Variants in AFG1L observed in about 807,000 individuals in gnomAD.
AFG1L encodes AFG1-like ATPase.
A neutral mutation model predicts 62.2 loss-of-function variants in AFG1L; 53 were observed. That is an observed-to-expected ratio of 0.85 (90% confidence interval 0.68 to 1.07). AFG1L has a LOEUF of 1.07. Ranked by LOEUF, AFG1L falls within the 50% of genes least tolerant of loss-of-function variation. The probability of loss-of-function intolerance (pLI) is 0.00; values close to 1 mark genes in which losing one functional copy is unlikely to be tolerated. For synonymous variants in AFG1L, 228 were observed against 210.3 expected (o/e 1.08, Z -0.73); for missense variants, 555 against 590.5 (o/e 0.94, Z 0.62).
intron 10 of AFG1L, among the ~76,000 whole-genome samples, chr6:108,479,860 C>G (rs926707994): frequency 1.4e-4 from 21 of 152,148 alleles, no homozygotes; most frequent in African/African-American, 4.8e-4. Context: ...AAGCCCAAGA[C>G]TTGCCCAGTC....
rs1024569467 is a variant in AFG1L, at chr6:108,472,110, A to T, written c.891-4755A>T. On this transcript the variant is annotated intron_variant, in intron 8 of 12. Transcript: ENST00000368977. ...GATACAGACAGAAAGATACTACAAG[A>T]TCTCACTTGGATATGGGATCTTCTA... Among the ~76,000 whole-genome samples, 6 of 152,356 alleles carry T rather than the reference A, an allele frequency of 3.9e-5. No homozygotes were observed. In the South Asian group the frequency reaches 1.0e-3, roughly 26 times the overall value.
chr6:108,379,003 T>C (rs1031611145), intron 6 of AFG1L, among the ~76,000 whole-genome samples: 225 of 133,146 alleles, frequency 1.7e-3, no homozygotes, highest in Admixed American at 4.0e-3. Flanking sequence ...CCTTCTTCTT[T>C]TTTTTTTTTT....
rs184470345 is a variant in AFG1L, at chr6:108,316,155, G to A, written c.140-7670G>A. On this transcript the variant is annotated intron_variant, in intron 1 of 12. Coordinates refer to ENST00000368977, the MANE Select transcript of AFG1L (RefSeq NM_145315.5). ...CCAGCACTTTGCGAGGCCGAGGCGGGCGGATCACGAGGTCAGGAGATCGAG... is the reference window on the plus strand; with the variant it reads ...CCAGCACTTTGCGAGGCCGAGGCGGACGGATCACGAGGTCAGGAGATCGAG... 2.5e-3 allele frequency among the ~76,000 whole-genome samples: 381 copies of A among 151,892 alleles called. 2 individuals are homozygous for A. The highest frequency in any genetic ancestry group is 4.0e-3 in the Non-Finnish European group (273 of 67,956).
chr6:108,308,399 C>G (rs1777285869), intron 1 of AFG1L, among the ~76,000 whole-genome samples: 1 of 152,198 alleles, frequency 6.6e-6, no homozygotes, highest in African/African-American at 2.4e-5. Flanking sequence ...TATCCTCCCA[C>G]CTTGGCCCCT....
At chr6:108,346,712 T>C (rs927046572) in intron 2 of AFG1L, among the ~76,000 whole-genome samples, 1 of 152,184 alleles carries the variant, frequency 6.6e-6, no homozygotes, top group Non-Finnish European at 1.5e-5. Context: ...AAGTACCTCA[T>C]GTAAGTGGAA....
intron 6 of AFG1L, among the ~76,000 whole-genome samples, chr6:108,373,555 A>G (rs1780108087): frequency 6.6e-6 from 1 of 151,024 alleles, no homozygotes; most frequent in South Asian, 2.1e-4. Flanking sequence ...ACACCCAGTA[A>G]TGGGATTGCT....
At chr6:108,414,312 G>C (rs543705551) in intron 7 of AFG1L, among the ~76,000 whole-genome samples, 3 of 152,198 alleles carry the variant, frequency 2.0e-5, no homozygotes, top group Non-Finnish European at 4.4e-5. Flanking sequence ...TCCAGGACCA[G>C]ATGGATTCAC....
intron 2 of AFG1L, among the ~76,000 whole-genome samples, chr6:108,338,468 C>A (rs1778552655): frequency 6.6e-6 from 1 of 152,124 alleles, no homozygotes; most frequent in South Asian, 2.1e-4. Context: ...CTGAGAAATT[C>A]TGCAGTAAAC....
chr6:108,499,647 G>A (rs1255023133), intron 10 of AFG1L, among the ~76,000 whole-genome samples: 1 of 151,452 alleles, frequency 6.6e-6, no homozygotes, highest in Non-Finnish European at 1.5e-5. Context: ...AGCTACTCAG[G>A]AGCTAAGGTG....
At chr6:108,343,734 A>G (rs979523892) in intron 2 of AFG1L, among the ~76,000 whole-genome samples, 9 of 152,236 alleles carry the variant, frequency 5.9e-5, no homozygotes, top group Non-Finnish European at 1.0e-4. Context: ...AAACAAGAAA[A>G]ATTAAGAAGT....
intron 1 of AFG1L, among the ~76,000 whole-genome samples, chr6:108,319,191 C>G (rs761916550): frequency 1.4e-4 from 21 of 152,060 alleles, no homozygotes; most frequent in Admixed American, 1.2e-3. Context: ...TACGTTTTAC[C>G]CACAATACTG....
At chr6:108,485,962 C>G (rs1773557173) in intron 10 of AFG1L, among the ~76,000 whole-genome samples, 1 of 151,652 alleles carries the variant, frequency 6.6e-6, no homozygotes. Flanking sequence ...CATGAGCCAC[C>G]ATGCCCATGG....
At position 108,477,205 on chromosome 6, in the gene AFG1L, G is replaced by A; in HGVS notation, c.975G>A (p.Arg325=). The A allele has an allele frequency of 6.3e-7, 1 of 1,596,672 alleles. No individual in the cohort carries two copies. Among genetic ancestry groups the A allele is most frequent in the Non-Finnish European group, 8.5e-7 (1 of 1,170,308 alleles). The change falls in exon 10 of 13, where the codon AGG becomes AGA. Residue 325 remains arginine, a synonymous_variant. Transcript: ENST00000368977. ...AQKQNDLTRP[R]ILKVQGRELR... ...ATGTTCCCATAGTAACTAGACCAAG[G>A]ATTCTAAAAGTGCAAGGCAGAGAGC...
chr6:108,315,736 C>T (rs1777565197), intron 1 of AFG1L, among the ~76,000 whole-genome samples: 1 of 152,138 alleles, frequency 6.6e-6, no homozygotes, highest in Middle Eastern at 3.2e-3. Flanking sequence ...GTGCCCAGCC[C>T]AACAGTTCTT....
At chr6:108,515,961 A>G (rs931832776) in intron 11 of AFG1L, among the ~76,000 whole-genome samples, 1 of 152,238 alleles carries the variant, frequency 6.6e-6, no homozygotes, top group Non-Finnish European at 1.5e-5. Context: ...GAAGAAGTTG[A>G]ATCTCTGAAT....
At chr6:108,322,341 T>C (rs1777845391) in intron 1 of AFG1L, among the ~76,000 whole-genome samples, 1 of 152,202 alleles carries the variant, frequency 6.6e-6, no homozygotes, top group Non-Finnish European at 1.5e-5. Flanking sequence ...GTGCATCTCA[T>C]TGCCTCTTCC....
intron 6 of AFG1L, among the ~76,000 whole-genome samples, chr6:108,400,734 ATATAT>A (rs1405075489): frequency 8.0e-6 from 1 of 125,282 alleles, no homozygotes. Flanking sequence ...TATATATAAT[ATATAT>A]TATATATGAT....
chr6:108,477,366 A>G lies in AFG1L; in HGVS notation c.1062+74A>G, dbSNP rs373007195. 44 of 799,334 alleles carry G rather than the reference A, an allele frequency of 5.5e-5. No homozygotes were observed. The South Asian group carries it at 8.7e-4, about 16-fold the overall frequency. 49.5% of individuals were successfully genotyped at this position (799,334 alleles called of 1,614,324 possible). ...ATACTTCGTGTTTTCCTCTCTGCCC[A>G]TTTCAGATTTTAAAATACCATTCAC... is the stretch of plus-strand genomic sequence containing the variant. On this transcript the variant is annotated intron_variant, in intron 10 of 12. Transcript: ENST00000368977.
At chr6:108,436,783 C>T (rs916409284) in intron 7 of AFG1L, among the ~76,000 whole-genome samples, 3 of 152,160 alleles carry the variant, frequency 2.0e-5, no homozygotes, top group African/African-American at 7.2e-5. Context: ...GCTTTAGTTT[C>T]TTCATCCATT....
Sources: allele counts gnomAD v4.1 joint callset (sites outside exome capture counted in the v4.1 genomes callset), GRCh38; gene constraint gnomAD v4.1.1; transcripts MANE v1.5; gene names NCBI Gene and HGNC (gene_info 2026-07-23, HGNC 2026-07-21).